The following SRGAP1 variants were observed in gnomAD, a reference collection of about 807,000 sequenced individuals.
SRGAP1 encodes SLIT-ROBO Rho GTPase activating protein 1.
In SRGAP1, 43 loss-of-function variants were observed where a neutral mutation model predicts 121.9. That is an observed-to-expected ratio of 0.35 (90% CI 0.28 to 0.46). The LOEUF (loss-of-function observed/expected upper bound fraction) is 0.46. SRGAP1 is among the 20% of genes least tolerant of loss of function. The pLI is 1.00. For synonymous variants in SRGAP1, 447 were observed against 485.4 expected (o/e 0.92, Z 1.04); for missense variants, 1,102 against 1,350.9 (o/e 0.82, Z 2.89).
At chr12:64,040,243 A>G (rs2034987160) in intron 4 of SRGAP1, among the ~76,000 whole-genome samples, 1 of 152,236 alleles carries the variant, frequency 6.6e-6, no homozygotes, top group Non-Finnish European at 1.5e-5. Context: ...TGTTCCAGTG[A>G]TGCTTCCAGG....
chr12:64,087,594 G>A (rs921192394), intron 11 of SRGAP1, among the ~76,000 whole-genome samples: 8 of 151,960 alleles, frequency 5.3e-5, no homozygotes, highest in Non-Finnish European at 8.8e-5. Context: ...AAATTAGCCG[G>A]GCGTGGTGGT....
Position 64,161,439 on chromosome 12 carries a change from C to G in SRGAP1, c.*18767C>G, listed in dbSNP as rs1163210636. On this transcript the variant is annotated 3_prime_UTR_variant, in exon 22 of 22. Coordinates refer to ENST00000355086, the MANE Select transcript of SRGAP1 (RefSeq NM_020762.4). Reference sequence around the variant, plus strand: ...AAATATCCTCAACTTTATCTGCTAACTCTTCTGTTAAGTACTTTATTTCTG... The same window carrying G: ...AAATATCCTCAACTTTATCTGCTAAGTCTTCTGTTAAGTACTTTATTTCTG... 2 of 152,120 alleles carry G rather than the reference C, an allele frequency of 1.3e-5. No individual in the cohort carries two copies. The highest frequency in any genetic ancestry group is 4.8e-5 in the African/African-American group (2 of 41,434). The allele number at this position is 152,120 out of a possible 1,614,324, so 9.4% of individuals were successfully genotyped here.
intron 3 of SRGAP1, among the ~76,000 whole-genome samples, chr12:63,991,633 G>A (rs932600581): frequency 1.3e-5 from 2 of 152,142 alleles, no homozygotes; most frequent in East Asian, 3.8e-4. Flanking sequence ...GATCTCGTTT[G>A]GTTCAGCAGG....
At chr12:64,013,834 C>T (rs757816797) in intron 3 of SRGAP1, among the ~76,000 whole-genome samples, 1 of 152,116 alleles carries the variant, frequency 6.6e-6, no homozygotes, top group Non-Finnish European at 1.5e-5. Context: ...GAGCATAATC[C>T]TTAAGGGCCC....
At chr12:64,041,192 G>A (rs1173663152) in intron 4 of SRGAP1, among the ~76,000 whole-genome samples, 1 of 151,982 alleles carries the variant, frequency 6.6e-6, no homozygotes, top group African/African-American at 2.4e-5. Context: ...TTATGGAACA[G>A]TCATATAGAC....
intron 18 of SRGAP1, 126 bp from the exon 19 acceptor site, chr12:64,125,851 G>T: frequency 1.2e-6 from 1 of 820,182 alleles, no homozygotes; most frequent in Non-Finnish European, 1.8e-6. Flanking sequence ...ATATGTTGAT[G>T]ACTCTGTTCA....
At chr12:63,916,032 C>CTTTTCT (rs1299907180) in intron 1 of SRGAP1, among the ~76,000 whole-genome samples, 7 of 125,206 alleles carry the variant, frequency 5.6e-5, no homozygotes, top group South Asian at 2.5e-4. Flanking sequence ...CTTTTCTTTT[C>CTTTTCT]TTTTTTTTTT....
At chr12:64,059,152 A>T (rs789717) in intron 6 of SRGAP1, among the ~76,000 whole-genome samples, 13 of 152,060 alleles carry the variant, frequency 8.5e-5, no homozygotes, top group African/African-American at 3.1e-4. Context: ...CGATGAAATT[A>T]TCTCTTGTTG....
intron 4 of SRGAP1, among the ~76,000 whole-genome samples, chr12:64,028,413 G>A (rs948006975): frequency 3.3e-5 from 5 of 152,162 alleles, no homozygotes; most frequent in African/African-American, 4.8e-5. Context: ...ACCATCCCTC[G>A]GCTCCCCGGC....
intron 12 of SRGAP1, chr12:64,091,834 C>T (rs561767587): frequency 7.3e-7 from 1 of 1,367,946 alleles, no homozygotes; most frequent in Non-Finnish European, 1.0e-6. Context: ...TACCTTGTAC[C>T]TCTGCTGTGT....
chr12:63,922,106 G>A (rs2031080350), intron 1 of SRGAP1, among the ~76,000 whole-genome samples: 1 of 151,758 alleles, frequency 6.6e-6, no homozygotes, highest in South Asian at 2.1e-4. Context: ...AGCCTCCCAA[G>A]TAGCTGAGGT....
chr12:63,992,880 A>G (rs1382937668), intron 3 of SRGAP1, among the ~76,000 whole-genome samples: 1 of 152,148 alleles, frequency 6.6e-6, no homozygotes, highest in Non-Finnish European at 1.5e-5. Flanking sequence ...AGTAGGGGGA[A>G]TGCTCTATGC....
At chr12:64,077,122 T>C (rs1293788365) in intron 8 of SRGAP1, among the ~76,000 whole-genome samples, 1 of 152,122 alleles carries the variant, frequency 6.6e-6, no homozygotes, top group East Asian at 1.9e-4. Context: ...CAAAGATGAA[T>C]GGAAAATTTT....
At chr12:64,095,492 G>A (rs1451440615) in intron 14 of SRGAP1, among the ~76,000 whole-genome samples, 5 of 152,180 alleles carry the variant, frequency 3.3e-5, no homozygotes, top group Non-Finnish European at 7.3e-5. Flanking sequence ...TTCTGGAAGA[G>A]TGGCCAGGGC....
At position 64,155,951 on chromosome 12, in the gene SRGAP1, A is replaced by G. The variant is rs1422453285; in HGVS notation, c.*13279A>G. 1 of 152,180 alleles carries G rather than the reference A, an allele frequency of 6.6e-6. No homozygotes were observed. The highest frequency in any genetic ancestry group is 6.5e-5 in the Admixed American group (1 of 15,270). The allele number at this position is 152,180 out of a possible 1,614,324, so 9.4% of individuals were successfully genotyped here. The stretch of plus-strand genomic sequence containing the variant: ...CGCCTGGCTGAGTTAAATATTTTCT[A>G]TGTGCCAAGCACTGTGCTAACTGCT... On this transcript the variant is annotated 3_prime_UTR_variant, in exon 22 of 22. Transcript: ENST00000355086.
intron 1 of SRGAP1, among the ~76,000 whole-genome samples, chr12:63,870,027 G>A (rs1266523171): frequency 1.3e-5 from 2 of 152,044 alleles, no homozygotes. Flanking sequence ...CATCCTGCAG[G>A]GCTACATCAG....
At chr12:64,110,158 C>T (rs1487698206) in intron 16 of SRGAP1, among the ~76,000 whole-genome samples, 1 of 152,162 alleles carries the variant, frequency 6.6e-6, no homozygotes, top group Non-Finnish European at 1.5e-5. Flanking sequence ...AGTCCAGAGG[C>T]TTGCCTGTTG....
chr12:64,103,146 A>ATTTTTGTAT (rs2036286365), intron 15 of SRGAP1, among the ~76,000 whole-genome samples: 1 of 151,930 alleles, frequency 6.6e-6, no homozygotes, highest in South Asian at 2.1e-4. Flanking sequence ...CACCCAGCTA[A>ATTTTTGTAT]TTTTTGTATT....
chr12:64,095,114 C>G lies in SRGAP1; in HGVS notation c.1601-13C>G. On this transcript the variant is annotated splice_polypyrimidine_tract_variant and intron_variant, in intron 13 of 21. Transcript: ENST00000355086. ...ATGGGGGTTTTATCCTCTTTCCCTT[C>G]TTTTCTCTTTAGGTCTTCAGCATCA... 6.2e-7 allele frequency: 1 copy of G among 1,613,808 alleles called. No homozygotes were observed.
Sources: allele counts gnomAD v4.1 joint callset (sites outside exome capture counted in the v4.1 genomes callset), GRCh38; gene constraint gnomAD v4.1.1; transcripts MANE v1.5; gene names NCBI Gene and HGNC (gene_info 2026-07-23, HGNC 2026-07-21).